Variants in UBE2U observed in about 807,000 individuals in gnomAD.
The protein encoded by UBE2U is ubiquitin-conjugating enzyme E2 U.
UBE2U carries 39 observed loss-of-function variants against 41.2 expected under a neutral mutation model. The observed-to-expected ratio is 0.95, with a 90% CI of 0.73 to 1.24. UBE2U has a LOEUF of 1.24. Ranked by LOEUF, UBE2U falls within the 50% of genes most tolerant of loss-of-function variation. UBE2U has a pLI of 0.00. For synonymous variants in UBE2U, 107 were observed against 117.8 expected (o/e 0.91, Z 0.60); for missense variants, 336 against 363.1 (o/e 0.93, Z 0.61).
At chr1:64,241,553 A>G (rs1644835187) in intron 7 of UBE2U, 99 bp from the exon 8 acceptor site, 7 of 809,112 alleles carry the variant, frequency 8.7e-6, no homozygotes, top group Admixed American at 5.5e-5. Flanking sequence ...TTATTGCCAC[A>G]TATCAAGTTA....
chr1:64,206,844 T>C lies in UBE2U; in HGVS notation c.229T>C (p.Phe77Leu). ...AGTTGTGAAATTTATAACAATTCCGTTTCATCCAAATGGTAAGAACTAAAT... is the reference window on the plus strand; with the variant it reads ...AGTTGTGAAATTTATAACAATTCCGCTTCATCCAAATGGTAAGAACTAAAT... Reference protein sequence around the residue: ...PPVVKFITIPFHPNVDPHTGQ... With the variant: ...PPVVKFITIPLHPNVDPHTGQ... Residue 77 changes from phenylalanine to leucine, a missense_variant, in exon 3 of 10, where the codon TTT becomes CTT. Coordinates refer to ENST00000371077, the MANE Select transcript of UBE2U (RefSeq NM_001366232.2). 6.3e-7 allele frequency: 1 copy of C among 1,591,474 alleles called. No individual in the cohort carries two copies. Among genetic ancestry groups the C allele is most frequent in the Non-Finnish European group, 8.6e-7 (1 of 1,161,794 alleles).
intron 2 of UBE2U, among the ~76,000 whole-genome samples, chr1:64,206,501 T>C (rs949310066): frequency 6.6e-6 from 1 of 150,890 alleles, no homozygotes; most frequent in Non-Finnish European, 1.5e-5. Context: ...CAATACGAGA[T>C]ACAACAGAGG....
chr1:64,244,009 G>A, intron 8 of UBE2U: 3 of 638,498 alleles, frequency 4.7e-6, no homozygotes, highest in Non-Finnish European at 8.6e-6. Context: ...AAGGTGTGAG[G>A]ATTAAATAAA....
chr1:64,257,735 C>A (rs1645117448), intron 8 of UBE2U, among the ~76,000 whole-genome samples: 1 of 152,094 alleles, frequency 6.6e-6, no homozygotes, highest in African/African-American at 2.4e-5. Flanking sequence ...ACCTATGTAA[C>A]AAACCTGCAC....
At chr1:64,217,077 C>T (rs1652074366) in intron 5 of UBE2U, among the ~76,000 whole-genome samples, 1 of 152,178 alleles carries the variant, frequency 6.6e-6, no homozygotes, top group Non-Finnish European at 1.5e-5. Context: ...TGGTAAAGTC[C>T]ATCCAGGTCC....
At position 64,204,041 on chromosome 1, in the gene UBE2U, G is replaced by A. The variant is rs1463021676; in HGVS notation, c.-10G>A. The A allele has an allele frequency of 3.1e-6, 5 of 1,612,556 alleles. No homozygotes were observed. The highest frequency in any genetic ancestry group is 4.2e-6 in the Non-Finnish European group (5 of 1,179,252). ...TTTGGGGACAAGTGTCAGACCCTCC[G>A]CTGCCTATCATGCACGGCAGAGCTT... On this transcript the variant is annotated 5_prime_UTR_variant, in exon 1 of 10. Transcript: ENST00000371077.
Sources: gnomAD v4.1 joint callset for allele counts (sites outside exome capture counted in the v4.1 genomes callset) on GRCh38, gnomAD v4.1.1 for gene constraint, MANE v1.5 for transcripts, NCBI Gene and HGNC (gene_info 2026-07-23, HGNC 2026-07-21) for gene names.